AGPS: variants seen among roughly 807,000 people sequenced by gnomAD.
The protein encoded by AGPS is alkyldihydroxyacetonephosphate synthase, peroxisomal.
AGPS carries 26 observed loss-of-function variants against 90.7 expected under a neutral mutation model. The ratio of observed to expected loss-of-function variants is 0.29; its 90% CI spans 0.21 to 0.40. AGPS has a LOEUF of 0.40. Ranked by LOEUF, AGPS falls within the 10% of genes least tolerant of loss-of-function variation. The probability of loss-of-function intolerance (pLI) is 1.00; values close to 1 mark genes in which losing one functional copy is unlikely to be tolerated. For missense variants in AGPS, 540 were observed against 816.1 expected, an observed-to-expected ratio of 0.66 and a Z score of 4.12; for synonymous variants, 294 against 285.3, an observed-to-expected ratio of 1.03 and a Z score of -0.31.
chr2:177,442,184 T>A (rs1686627485), intron 6 of AGPS, among the ~76,000 whole-genome samples: 1 of 152,224 alleles, frequency 6.6e-6, no homozygotes, highest in Non-Finnish European at 1.5e-5. Flanking sequence ...CATAGCCCAT[T>A]GCTTTCAGTT....
At chr2:177,473,332 T>C (rs182653929) in intron 10 of AGPS, among the ~76,000 whole-genome samples, 70 of 152,346 alleles carry the variant, frequency 4.6e-4, no homozygotes, top group African/African-American at 1.6e-3. Flanking sequence ...GAGAATATAT[T>C]TTCAAATTAT....
intron 16 of AGPS, 40 bp from the exon 17 acceptor site, chr2:177,513,779 A>G: frequency 6.8e-7 from 1 of 1,465,132 alleles, no homozygotes; most frequent in Non-Finnish European, 9.6e-7. Flanking sequence ...TGTAGTTCTC[A>G]CTTGAAAACT....
chr2:177,436,897 A>C lies in AGPS; in HGVS notation c.562+13A>C, dbSNP rs745711263. On this transcript the variant is annotated intron_variant, in intron 4 of 19. Transcript: ENST00000264167. ...TTTAGAGCTCATGGTAAGTTACTTTATATTAGCCCTATTTATTTTTAACAA... is the reference window on the plus strand; with the variant it reads ...TTTAGAGCTCATGGTAAGTTACTTTCTATTAGCCCTATTTATTTTTAACAA... The C allele has an allele frequency of 2.0e-5, 32 of 1,611,990 alleles. No homozygotes were observed. The highest frequency in any genetic ancestry group is 2.7e-5 in the Non-Finnish European group (32 of 1,178,618).
At chr2:177,487,018 G>T (rs1386212372) in intron 11 of AGPS, among the ~76,000 whole-genome samples, 2 of 152,032 alleles carry the variant, frequency 1.3e-5, no homozygotes, top group Non-Finnish European at 2.9e-5. Flanking sequence ...TGTAGCCTAT[G>T]AAGAGGAGGA....
chr2:177,444,518 C>T (rs185019556), intron 7 of AGPS, among the ~76,000 whole-genome samples: 3 of 151,418 alleles, frequency 2.0e-5, no homozygotes, highest in Admixed American at 6.6e-5. Flanking sequence ...AAAGTGCATT[C>T]ACATACATCA....
Position 177,477,131 on chromosome 2 carries a change from C to G in AGPS, c.1106-4928C>G, listed in dbSNP as rs146633608. ...TTTTCTTTTGGTTGTTTAGTCCATT[C>G]ACATTTAATGTTATTATTGGTATGG... On this transcript the variant is annotated intron_variant, in intron 10 of 19. Coordinates refer to ENST00000264167, the MANE Select transcript of AGPS (RefSeq NM_003659.4). Among the ~76,000 whole-genome samples the G allele has an allele frequency of 4.0e-3, 610 of 152,100 alleles. 5 individuals are homozygous for G. The highest frequency in any genetic ancestry group is 0.032 in the East Asian group (166 of 5,186).
At chr2:177,444,550 A>G (rs910221781) in intron 7 of AGPS, among the ~76,000 whole-genome samples, 2 of 152,186 alleles carry the variant, frequency 1.3e-5, no homozygotes, top group African/African-American at 4.8e-5. Context: ...GTTTTTCACA[A>G]CGCTGTGAAT....
intron 17 of AGPS, among the ~76,000 whole-genome samples, chr2:177,517,330 A>G (rs1689047696): frequency 6.6e-6 from 1 of 152,150 alleles, no homozygotes; most frequent in Non-Finnish European, 1.5e-5. Context: ...AGGCTATGTC[A>G]CTGCATTTGG....
chr2:177,486,901 G>T (rs1184300487), intron 11 of AGPS, among the ~76,000 whole-genome samples: 1 of 151,598 alleles, frequency 6.6e-6, no homozygotes, highest in East Asian at 2.0e-4. Context: ...TTTAGTGGAA[G>T]ATTAATGTGA....
chr2:177,403,761 C>T (rs1034062643), intron 1 of AGPS, among the ~76,000 whole-genome samples: 33 of 152,272 alleles, frequency 2.2e-4, no homozygotes, highest in African/African-American at 7.9e-4. Flanking sequence ...CACTCACTGT[C>T]TTGTGTATAC....
intron 9 of AGPS, 39 bp from the exon 10 acceptor site, chr2:177,468,377 C>A: frequency 1.1e-5 from 14 of 1,245,446 alleles, no homozygotes; most frequent in Non-Finnish European, 1.7e-5. Context: ...CATTCACTAA[C>A]AGATGTCTAG....
At position 177,392,968 on chromosome 2, in the gene AGPS, C is replaced by G; in HGVS notation, c.179C>G (p.Ala60Gly). 1.3e-6 allele frequency: 2 copies of G among 1,549,976 alleles called. No individual in the cohort carries two copies. The highest frequency in any genetic ancestry group is 1.7e-6 in the Non-Finnish European group (2 of 1,146,608). Residue 60 changes from alanine to glycine, a missense_variant, in exon 1 of 20, where the codon GCG becomes GGG. Ala to Gly is a moderately conservative substitution (Grantham distance 60, BLOSUM62 0). This residue lies in a region of AGPS where 135 missense variants were observed against 124.0 expected (regional missense o/e 1.09). Transcript: ENST00000264167. ...REALSTNECK[A>G]RRAASAATAA... ...GCTCTGAGTACCAATGAGTGCAAAG[C>G]GCGGAGAGCCGCGTCGGCGGCCACG...
chr2:177,414,885 C>T (rs958929508), intron 1 of AGPS, among the ~76,000 whole-genome samples: 1 of 71,982 alleles, frequency 1.4e-5, no homozygotes, highest in Admixed American at 1.8e-4. Flanking sequence ...CCCATGGGTG[C>T]CTATGAAGGT....
rs112754713 is a variant in AGPS at position 177,538,572 on chromosome 2, C to G, written c.*377C>G. On this transcript the variant is annotated 3_prime_UTR_variant, in exon 20 of 20. Transcript: ENST00000264167. The stretch of plus-strand genomic sequence containing the variant: ...CTCAGCTAGCCTCTTTTTAAAAGAA[C>G]GTTTCTGGGAATCAGATGTCTAGGG... The G allele has an allele frequency of 8.0e-3, 2,358 of 293,542 alleles. 45 individuals are homozygous for G. The highest frequency in any genetic ancestry group is 0.048 in the African/African-American group (2,129 of 44,712). 18.2% of individuals were successfully genotyped at this position (293,542 alleles called of 1,614,324 possible).
intron 11 of AGPS, among the ~76,000 whole-genome samples, chr2:177,487,767 A>C (rs1047836801): frequency 2.0e-5 from 3 of 152,120 alleles, no homozygotes; most frequent in African/African-American, 7.2e-5. Flanking sequence ...TGGATCATTT[A>C]CTGTTTGATC....
chr2:177,528,121 A>G (rs1047939844), intron 19 of AGPS, among the ~76,000 whole-genome samples: 1 of 152,066 alleles, frequency 6.6e-6, no homozygotes, highest in Non-Finnish European at 1.5e-5. Context: ...CATTTATTTG[A>G]TGATTATCTC....
intron 1 of AGPS, among the ~76,000 whole-genome samples, chr2:177,414,171 G>A (rs188428099): frequency 2.0e-5 from 3 of 152,074 alleles, no homozygotes; most frequent in East Asian, 3.9e-4. Context: ...CCTTTGGGAC[G>A]CAGTTTTTGA....
At chr2:177,476,549 G>C (rs1305304232) in intron 10 of AGPS, among the ~76,000 whole-genome samples, 1 of 151,776 alleles carries the variant, frequency 6.6e-6, no homozygotes, top group Admixed American at 6.6e-5. Flanking sequence ...TTCAGTCTTT[G>C]AAAATTTGTT....
chr2:177,532,148 C>G (rs1013698152), intron 19 of AGPS, among the ~76,000 whole-genome samples: 2 of 151,932 alleles, frequency 1.3e-5, no homozygotes, highest in Non-Finnish European at 2.9e-5. Flanking sequence ...GAAACTTTTG[C>G]TCTATGAAGG....
Sources: allele counts gnomAD v4.1 joint callset (sites outside exome capture counted in the v4.1 genomes callset), GRCh38; gene constraint gnomAD v4.1.1; regional missense constraint gnomAD v4.1.1; transcripts MANE v1.5; gene names NCBI Gene and HGNC (gene_info 2026-07-23, HGNC 2026-07-21).